CABIN1: variants seen among roughly 807,000 people sequenced by gnomAD.
CABIN1 encodes the protein calcineurin-binding protein cabin-1.
CABIN1 carries 133 observed loss-of-function variants against 227.7 expected under a neutral mutation model. The observed-to-expected ratio is 0.58, with a 90% CI of 0.51 to 0.67. The LOEUF (loss-of-function observed/expected upper bound fraction) is 0.67, where lower values mean the gene tolerates loss of function less well. Among genes scored for constraint, CABIN1 ranks in the 30% least tolerant of loss-of-function variants. The pLI is 0.00. For synonymous variants in CABIN1, 1,086 were observed against 1,155.1 expected, an observed-to-expected ratio of 0.94 and a Z score of 1.21; for missense variants, 2,408 against 2,852.5, an observed-to-expected ratio of 0.84 and a Z score of 3.55.
intron 1 of CABIN1, among the ~76,000 whole-genome samples, chr22:24,033,172 G>A (rs570930128): frequency 5.3e-5 from 8 of 152,324 alleles, no homozygotes; most frequent in African/African-American, 1.9e-4. Context: ...AGATAAAACA[G>A]CTATCAGTCT....
intron 27 of CABIN1, among the ~76,000 whole-genome samples, chr22:24,118,205 G>A (rs1483544487): frequency 1.3e-5 from 2 of 152,164 alleles, no homozygotes; most frequent in Non-Finnish European, 2.9e-5. Context: ...GAGTGATGGT[G>A]GAGAGGCAAG....
At chr22:24,176,639 A>G (rs1189295974) in intron 35 of CABIN1, among the ~76,000 whole-genome samples, 2 of 152,150 alleles carry the variant, frequency 1.3e-5, no homozygotes, top group African/African-American at 2.4e-5. Context: ...AGGGCGGAGC[A>G]TGGGCCTGGT....
At chr22:24,050,481 T>C (rs1265564556) in intron 7 of CABIN1, among the ~76,000 whole-genome samples, 4 of 152,240 alleles carry the variant, frequency 2.6e-5, no homozygotes, top group Non-Finnish European at 5.9e-5. Context: ...CAGTATAGGA[T>C]AGTTACATTC....
At chr22:24,148,438 C>CTG (rs1337226055) in intron 29 of CABIN1, among the ~76,000 whole-genome samples, 3 of 152,348 alleles carry the variant, frequency 2.0e-5, no homozygotes, top group Non-Finnish European at 2.9e-5. Context: ...GGGTTGCCCT[C>CTG]TGTGGCAGGA....
intron 33 of CABIN1, among the ~76,000 whole-genome samples, chr22:24,170,312 C>T (rs556170534): frequency 7.2e-5 from 11 of 152,332 alleles, no homozygotes; most frequent in African/African-American, 2.4e-4. Context: ...TAGCTCCCGC[C>T]CCTCAGGGAG....
chr22:24,154,882 AGAG>A (rs2045689950), intron 29 of CABIN1, among the ~76,000 whole-genome samples: 2 of 152,292 alleles, frequency 1.3e-5, no homozygotes, highest in African/African-American at 4.8e-5. Context: ...GCCAGCTCAG[AGAG>A]GAGATGTCAC....
chr22:24,063,184 GACACCCA>G, intron 14 of CABIN1, 38 bp downstream of exon 14: 1 of 1,607,456 alleles, frequency 6.2e-7, no homozygotes, highest in Non-Finnish European at 8.5e-7. Context: ...AGCATGCCCT[GACACCCA>G]GCAGGGTGGG....
intron 16 of CABIN1, 118 bp from the exon 17 acceptor site, chr22:24,070,682 C>T (rs931776977): frequency 1.4e-5 from 20 of 1,476,382 alleles, no homozygotes; most frequent in Admixed American, 3.4e-5. Flanking sequence ...TGCTGGGGCT[C>T]GTTCTTCCCT....
rs1228287678 is a variant in CABIN1, at chr22:24,060,146, G to T, written c.1617+5G>T. ...TGCAGCAACAAGCACATCAAGGTTA[G>T]GGGGAGCCTCTCAAGGGCTGGTATT... On this transcript the variant is annotated splice_donor_5th_base_variant and intron_variant, in intron 12 of 36. Transcript: ENST00000263119. The T allele has an allele frequency of 6.2e-7, 1 of 1,612,610 alleles. No homozygotes were observed. Among genetic ancestry groups the T allele is most frequent in the African/African-American group, 1.3e-5 (1 of 74,892 alleles).
intron 5 of CABIN1, among the ~76,000 whole-genome samples, chr22:24,042,493 A>T (rs1168999775): frequency 6.6e-6 from 1 of 151,990 alleles, no homozygotes; most frequent in African/African-American, 2.4e-5. Flanking sequence ...AGGTGAGAGG[A>T]TTGCTTGAGC....
intron 28 of CABIN1, among the ~76,000 whole-genome samples, chr22:24,127,994 A>G (rs1365649886): frequency 6.6e-6 from 1 of 152,030 alleles, no homozygotes; most frequent in African/African-American, 2.4e-5. Context: ...CCTGGTCTCT[A>G]CCCACTAGAT....
chr22:24,177,896 G>T lies in CABIN1; in HGVS notation c.6519+79G>T. 4 of 1,518,912 alleles carry T rather than the reference G, an allele frequency of 2.6e-6. No homozygotes were observed. The highest frequency in any genetic ancestry group is 2.7e-6 in the Non-Finnish European group (3 of 1,114,114). The allele number at this position is 1,518,912 out of a possible 1,614,324, so 94.1% of individuals were successfully genotyped here. A position where few individuals can be genotyped will look rare whatever the true frequency, so the allele number is the denominator to read the frequency against. ...AAGGGGGCCTAGGATGGGGGTGGGG[G>T]TGGCAGGAGGGCCTGGGGTGTGGGT... is the stretch of plus-strand genomic sequence containing the variant. On this transcript the variant is annotated intron_variant, in intron 36 of 36. Coordinates refer to ENST00000263119, the MANE Select transcript of CABIN1 (RefSeq NM_012295.4). This position sits in a 1 kb window ranked among gnomAD's most constrained non-coding sequence, Gnocchi z 4.4.
At chr22:24,160,221 A>G (rs2046072006) in intron 29 of CABIN1, 1 of 152,136 alleles carries the variant, frequency 6.6e-6, no homozygotes, top group African/African-American at 2.4e-5. Flanking sequence ...TACTCAGCCC[A>G]CACCTGACCC....
At chr22:24,069,986 T>G (rs2039970871) in intron 16 of CABIN1, among the ~76,000 whole-genome samples, 2 of 151,524 alleles carry the variant, frequency 1.3e-5, no homozygotes, top group African/African-American at 4.9e-5. Context: ...ATCTGTGAAT[T>G]CACAGACAGG....
intron 34 of CABIN1, among the ~76,000 whole-genome samples, chr22:24,175,118 C>T (rs992527336): frequency 1.2e-4 from 18 of 152,354 alleles, no homozygotes; most frequent in Admixed American, 9.1e-4. Context: ...TATTCCCATT[C>T]CCAAAACCAA....
At chr22:24,036,241 A>AT (rs1288329332) in intron 3 of CABIN1, 60 bp downstream of exon 3, 7 of 1,207,290 alleles carry the variant, frequency 5.8e-6, no homozygotes, top group Non-Finnish European at 8.6e-6. Flanking sequence ...AGGGAACCTC[A>AT]TTTTAAATAC....
intron 26 of CABIN1, 86 bp from the exon 27 acceptor site, chr22:24,113,480 C>A: frequency 1.6e-6 from 2 of 1,268,568 alleles, no homozygotes; most frequent in Non-Finnish European, 2.3e-6. Flanking sequence ...AGGCCACCGG[C>A]AGGGAGACTC....
intron 28 of CABIN1, among the ~76,000 whole-genome samples, chr22:24,133,199 C>T (rs1486014652): frequency 6.6e-6 from 1 of 152,178 alleles, no homozygotes; most frequent in South Asian, 2.1e-4. Flanking sequence ...AGGAGCAGCC[C>T]TCAGTCCCTA....
In CABIN1 at chr22:24,178,258, G is replaced by C; in HGVS notation, c.*62G>C. ...CCAGCCAGGCCTGGAATGCCCCCTGGGCAGGACCCTGGGCAGGACCAGAGG... is the reference window on the plus strand; with the variant it reads ...CCAGCCAGGCCTGGAATGCCCCCTGCGCAGGACCCTGGGCAGGACCAGAGG... On this transcript the variant is annotated 3_prime_UTR_variant, in exon 37 of 37. Transcript: ENST00000263119. 1 of 1,600,954 alleles carries C rather than the reference G, an allele frequency of 6.2e-7. No homozygotes were observed. Among genetic ancestry groups the C allele is most frequent in the Non-Finnish European group, 8.5e-7 (1 of 1,173,666 alleles).
Sources: gnomAD v4.1 joint callset for allele counts (sites outside exome capture counted in the v4.1 genomes callset) on GRCh38, gnomAD v4.1.1 for gene constraint, Gnocchi (gnomAD v3.1) non-coding constraint, MANE v1.5 for transcripts, NCBI Gene and HGNC (gene_info 2026-07-23, HGNC 2026-07-21) for gene names.